Variants in TPRG1 observed in about 807,000 individuals in gnomAD.
TPRG1 encodes tumor protein p63 regulated 1.
Under a neutral mutation model 29.3 loss-of-function variants are expected in TPRG1, and 29 were observed. That is an observed-to-expected ratio of 0.99 (90% CI 0.74 to 1.35). The LOEUF is 1.35. Ranked by LOEUF, TPRG1 falls within the 40% of genes most tolerant of loss-of-function variation. The pLI is 0.00. For missense variants in TPRG1, 327 were observed against 335.0 expected, an observed-to-expected ratio of 0.98 and a Z score of 0.19; for synonymous variants, 130 against 116.8, an observed-to-expected ratio of 1.11 and a Z score of -0.73.
In TPRG1 at chr3:189,073,927, T is replaced by G. The variant is rs574674698; in HGVS notation, c.-463+49981T>G. Among the ~76,000 whole-genome samples the G allele has an allele frequency of 2.2e-3, 328 of 152,296 alleles. 3 individuals carry two copies. Among genetic ancestry groups the G allele is most frequent in the African/African-American group, 7.7e-3 (319 of 41,586 alleles). Reference sequence around the variant, plus strand: ...ATTTTAGAAATTACTCTGTATTATTTCATGTATTCTTACCCTCACTTTTGA... The same window carrying G: ...ATTTTAGAAATTACTCTGTATTATTGCATGTATTCTTACCCTCACTTTTGA... On this transcript the variant is annotated intron_variant, in intron 4 of 10. Coordinates refer to the TPRG1 transcript ENST00000433971.
chr3:189,191,823 T>C (rs780557161), intron 1 of TPRG1, among the ~76,000 whole-genome samples: 7 of 152,224 alleles, frequency 4.6e-5, no homozygotes, highest in Non-Finnish European at 7.3e-5. Flanking sequence ...ATTAAGCCTC[T>C]TCTCTAGTTC....
chr3:189,278,564 G>C (rs1716557738), intron 4 of TPRG1, among the ~76,000 whole-genome samples: 1 of 152,160 alleles, frequency 6.6e-6, no homozygotes, highest in Admixed American at 6.5e-5. Flanking sequence ...GTTAAATGTG[G>C]CATCATGGAG....
intron 3 of TPRG1, among the ~76,000 whole-genome samples, chr3:189,134,244 A>G (rs1344378488): frequency 1.3e-5 from 2 of 151,988 alleles, no homozygotes; most frequent in Non-Finnish European, 2.9e-5. Context: ...TGCAAAATGA[A>G]CATGTTATGT....
intron 4 of TPRG1, among the ~76,000 whole-genome samples, chr3:189,072,624 ACTTTTTT>A (rs377031729): frequency 5.3e-5 from 8 of 151,784 alleles, no homozygotes; most frequent in African/African-American, 7.3e-5. Context: ...CAGTTTCTCC[ACTTTTTT>A]CTTTTTTCTT....
chr3:189,282,454 C>G (rs183318577), intron 4 of TPRG1, among the ~76,000 whole-genome samples: 1 of 152,008 alleles, frequency 6.6e-6, no homozygotes, highest in African/African-American at 2.4e-5. Flanking sequence ...GGGTATTAAA[C>G]GTGTATTTTG....
intron 3 of TPRG1, among the ~76,000 whole-genome samples, chr3:189,019,564 G>A (rs1044173055): frequency 1.1e-4 from 17 of 152,200 alleles, no homozygotes; most frequent in Non-Finnish European, 2.2e-4. Flanking sequence ...AACCAGCCTT[G>A]CATCCCAGGG....
chr3:189,076,458 A>G (rs1049707056), intron 4 of TPRG1, among the ~76,000 whole-genome samples: 2 of 151,986 alleles, frequency 1.3e-5, no homozygotes, highest in East Asian at 1.9e-4. Context: ...AGTATGCTCC[A>G]TTCTCAGCAA....
chr3:189,182,326 G>C (rs982036366), intron 1 of TPRG1, among the ~76,000 whole-genome samples: 4 of 152,132 alleles, frequency 2.6e-5, no homozygotes, highest in Non-Finnish European at 5.9e-5. Flanking sequence ...AGTCAAAGAA[G>C]ATGAAACTAA....
chr3:189,186,154 T>C (rs1394921832), intron 1 of TPRG1, among the ~76,000 whole-genome samples: 1 of 152,198 alleles, frequency 6.6e-6, no homozygotes, highest in Admixed American at 6.5e-5. Context: ...CTATGTGAGA[T>C]AAACACTAAA....
At chr3:189,317,431 A>G (rs574699197) in intron 5 of TPRG1, among the ~76,000 whole-genome samples, 1 of 152,324 alleles carries the variant, frequency 6.6e-6, no homozygotes, top group African/African-American at 2.4e-5. Context: ...TTTATATAAT[A>G]TGTGAGCACA....
At chr3:189,314,810 T>A (rs538503466) in intron 5 of TPRG1, among the ~76,000 whole-genome samples, 120 of 152,320 alleles carry the variant, frequency 7.9e-4, no homozygotes, top group African/African-American at 2.7e-3. Context: ...GATAGGTGTC[T>A]TTGTTTTAAA....
rs566134294 is a variant in TPRG1 at position 189,059,549 on chromosome 3, G to A, written c.-463+35603G>A. ...GGAGGTTGCAGTGAGCTGAGATCGC[G>A]CCACTGCACTCCAGCCTGAGCGACA... On this transcript the variant is annotated intron_variant, in intron 4 of 10. Coordinates refer to the TPRG1 transcript ENST00000433971. Among the ~76,000 whole-genome samples, 6 of 151,544 alleles carry A rather than the reference G, an allele frequency of 4.0e-5. No individual in the cohort carries two copies. The South Asian group carries it at 1.0e-3, about 26-fold the overall frequency.
chr3:189,235,480 C>T (rs73889142), intron 3 of TPRG1, among the ~76,000 whole-genome samples: 24 of 151,988 alleles, frequency 1.6e-4, no homozygotes, highest in African/African-American at 5.8e-4. Context: ...TGAGGAAATA[C>T]GGTGAGTCTG....
At chr3:189,113,971 T>C (rs1720877963) in intron 1 of TPRG1, among the ~76,000 whole-genome samples, 1 of 152,088 alleles carries the variant, frequency 6.6e-6, no homozygotes, top group Non-Finnish European at 1.5e-5. Context: ...ATCTATATTA[T>C]TGGAGAATTT....
chr3:189,183,535 T>C (rs892437356), intron 1 of TPRG1, among the ~76,000 whole-genome samples: 4 of 152,094 alleles, frequency 2.6e-5, no homozygotes, highest in African/African-American at 9.7e-5. Context: ...GACTGGGGTT[T>C]CTTTCACCCC....
intron 5 of TPRG1, among the ~76,000 whole-genome samples, chr3:189,166,176 A>G (rs770345210): frequency 1.3e-5 from 2 of 152,242 alleles, no homozygotes; most frequent in Non-Finnish European, 2.9e-5. Context: ...AGAACAGAGC[A>G]TTCAGTGTCT....
At chr3:189,249,634 A>G (rs1170577426) in intron 4 of TPRG1, among the ~76,000 whole-genome samples, 1 of 151,932 alleles carries the variant, frequency 6.6e-6, no homozygotes, top group Non-Finnish European at 1.5e-5. Context: ...ATGTTGTCTA[A>G]TTTCCTTTGC....
At chr3:189,274,984 A>C (rs1294349737) in intron 4 of TPRG1, among the ~76,000 whole-genome samples, 3 of 143,286 alleles carry the variant, frequency 2.1e-5, no homozygotes, top group Non-Finnish European at 3.0e-5. Flanking sequence ...GTGTGTATGA[A>C]GTCATTATTG....
intron 4 of TPRG1, among the ~76,000 whole-genome samples, chr3:189,275,831 C>T (rs1001525286): frequency 6.6e-6 from 1 of 151,986 alleles, no homozygotes; most frequent in African/African-American, 2.4e-5. Flanking sequence ...ACAGATTTTG[C>T]CATGCCCTCT....
Sources: gnomAD v4.1 joint callset for allele counts (sites outside exome capture counted in the v4.1 genomes callset) on GRCh38, gnomAD v4.1.1 for gene constraint, MANE v1.5 for transcripts, NCBI Gene and HGNC (gene_info 2026-07-23, HGNC 2026-07-21) for gene names.